The following ANKFY1 variants were observed in gnomAD, a reference collection of about 807,000 sequenced individuals.
ANKFY1 encodes ankyrin repeat and FYVE domain containing 1, also known as ankyrin repeat and FYVE domain-containing protein 1.
Under a neutral mutation model 128.3 loss-of-function variants are expected in ANKFY1, and 47 were observed. The observed-to-expected ratio is 0.37, with a 90% CI of 0.29 to 0.47. The LOEUF is 0.47. Among genes scored for constraint, ANKFY1 ranks in the 20% least tolerant of loss-of-function variants. The pLI, the probability that ANKFY1 is intolerant of heterozygous loss-of-function variation, is 1.00. For missense variants in ANKFY1, 1,222 were observed against 1,510.6 expected, an observed-to-expected ratio of 0.81 and a Z score of 3.17; for synonymous variants, 553 against 601.6, an observed-to-expected ratio of 0.92 and a Z score of 1.18.
In ANKFY1 at chr17:4,177,305, A is replaced by G; in HGVS notation, c.2599-3T>C. Reference sequence around the variant, plus strand: ...AAATTCCGGCCCTTGTTATCCACCTACAGCAACAAGTGCAAAGCAAAATAT... The same window carrying G: ...AAATTCCGGCCCTTGTTATCCACCTGCAGCAACAAGTGCAAAGCAAAATAT... On this transcript the variant is annotated splice_polypyrimidine_tract_variant and splice_region_variant and intron_variant, in intron 18 of 24. Transcript: ENST00000341657. 4 of 1,584,232 alleles carry G rather than the reference A, an allele frequency of 2.5e-6. No individual in the cohort carries two copies. The highest frequency in any genetic ancestry group is 1.2e-5 in the South Asian group (1 of 85,714).
At chr17:4,199,907 A>C (rs2059896646) in intron 7 of ANKFY1, among the ~76,000 whole-genome samples, 1 of 152,236 alleles carries the variant, frequency 6.6e-6, no homozygotes. Context: ...ATGTTTCTTA[A>C]GAAAACAAGG....
intron 1 of ANKFY1, among the ~76,000 whole-genome samples, chr17:4,254,034 G>A (rs1388994989): frequency 2.0e-5 from 3 of 152,122 alleles, no homozygotes; most frequent in Non-Finnish European, 4.4e-5. Flanking sequence ...GGCTGGCCGC[G>A]GTGGCTCACG....
At chr17:4,260,324 A>T (rs568239502) in intron 1 of ANKFY1, among the ~76,000 whole-genome samples, 2 of 152,250 alleles carry the variant, frequency 1.3e-5, no homozygotes, top group African/African-American at 4.8e-5. Flanking sequence ...TCACTTACAA[A>T]CGAAGCTTAG....
Position 4,182,322 on chromosome 17 carries a change from C to T in ANKFY1, c.1980G>A (p.Gln660=). 1.3e-6 allele frequency: 2 copies of T among 1,588,604 alleles called. No individual in the cohort carries two copies. The highest frequency in any genetic ancestry group is 1.7e-6 in the Non-Finnish European group (2 of 1,166,070). ...GTGGAAGCTGGTTTCTGATGGCCAGCTGGAGGGCTGTCTCCCCGTCCTGAG... is the reference window on the plus strand; with the variant it reads ...GTGGAAGCTGGTTTCTGATGGCCAGTTGGAGGGCTGTCTCCCCGTCCTGAG... ...VRTQDGETAL[Q]LAIRNQLPLV... is the part of the protein sequence containing the mutation. The change falls in exon 15 of 25, where the codon CAG becomes CAA. Residue 660 remains glutamine (Q), a synonymous_variant. Coordinates refer to ENST00000341657, the MANE Select transcript of ANKFY1 (RefSeq NM_001330063.2).
At chr17:4,211,178 C>T (rs1375232964) in intron 4 of ANKFY1, among the ~76,000 whole-genome samples, 4 of 152,018 alleles carry the variant, frequency 2.6e-5, no homozygotes, top group Non-Finnish European at 5.9e-5. Context: ...CCAAGGCGGG[C>T]AGATTGCCTG....
At chr17:4,250,869 A>G (rs1488031168) in intron 1 of ANKFY1, among the ~76,000 whole-genome samples, 1 of 152,126 alleles carries the variant, frequency 6.6e-6, no homozygotes, top group Non-Finnish European at 1.5e-5. Context: ...TCCTGGCCTC[A>G]AGGGATCCTC....
intron 10 of ANKFY1, chr17:4,194,331 A>G (rs2059777582): frequency 6.7e-6 from 1 of 148,628 alleles, no homozygotes; most frequent in African/African-American, 2.5e-5. Flanking sequence ...CTGGTCTCAA[A>G]CTCCTGACCT....
At chr17:4,182,084 A>G in intron 15 of ANKFY1, 97 bp downstream of exon 15, 2 of 1,218,736 alleles carry the variant, frequency 1.6e-6, no homozygotes, top group Non-Finnish European at 2.2e-6. Context: ...GTTACTTGAC[A>G]GATCTTGCTC....
At chr17:4,225,283 G>T (rs950321516) in intron 3 of ANKFY1, among the ~76,000 whole-genome samples, 1 of 152,076 alleles carries the variant, frequency 6.6e-6, no homozygotes. Context: ...CTTGAAGCCG[G>T]GAGGCAGAGG....
intron 12 of ANKFY1, 115 bp from the exon 13 acceptor site, chr17:4,184,025 T>C: frequency 2.5e-6 from 2 of 806,632 alleles, no homozygotes; most frequent in East Asian, 2.5e-5. Context: ...ATCAATGCTA[T>C]AAAAAGAGAG....
At chr17:4,263,211 C>A (rs952983195) in intron 1 of ANKFY1, among the ~76,000 whole-genome samples, 1 of 152,160 alleles carries the variant, frequency 6.6e-6, no homozygotes, top group African/African-American at 2.4e-5. Flanking sequence ...CTCTGAGAGA[C>A]CAGAGTGCCT....
intron 7 of ANKFY1, among the ~76,000 whole-genome samples, chr17:4,203,131 A>G (rs1460811151): frequency 6.6e-6 from 1 of 152,164 alleles, no homozygotes; most frequent in Non-Finnish European, 1.5e-5. Flanking sequence ...GAACAAAGGG[A>G]GGGAACAGAA....
rs1448674266 is a variant in ANKFY1, at chr17:4,195,262, C to G, written c.1173-85G>C. On this transcript the variant is annotated intron_variant, in intron 9 of 24. Coordinates refer to ENST00000341657, the MANE Select transcript of ANKFY1 (RefSeq NM_001330063.2). ...CAACAACCTGGTTCTTTCTCTTTACCCTTTTTCAATGACACATTTTTTTTT... is the reference window on the plus strand; with the variant it reads ...CAACAACCTGGTTCTTTCTCTTTACGCTTTTTCAATGACACATTTTTTTTT... 5.6e-6 allele frequency: 8 copies of G among 1,436,028 alleles called. No individual in the cohort carries two copies. The East Asian group carries it at 1.7e-4, about 30-fold the overall frequency. The allele number at this position is 1,436,028 out of a possible 1,614,324, so 89.0% of individuals were successfully genotyped here. A position where few individuals can be genotyped will look rare whatever the true frequency, so the allele number is the denominator to read the frequency against.
At position 4,179,872 on chromosome 17, in the gene ANKFY1, C is replaced by G; in HGVS notation, c.2246G>C (p.Cys749Ser). Residue 749 changes from cysteine (C) to serine (S), a missense_variant, in exon 17 of 25, where the codon TGT (cysteine) becomes TCT (serine). By Grantham distance (112) the Cys-to-Ser change is moderately radical. Transcript: ENST00000341657. The part of the protein sequence containing the change: ...PTACFLIRSG[C>S]DVNSPRQPGA... ...TGGTTGTCTGGGACTGTTCACGTCA[C>G]AGCCACTGAAAGGAATGGGGACATT... 6.2e-7 allele frequency: 1 copy of G among 1,614,166 alleles called. No homozygotes were observed.
chr17:4,234,217 C>T (rs1383638784), intron 3 of ANKFY1, among the ~76,000 whole-genome samples: 1 of 152,150 alleles, frequency 6.6e-6, no homozygotes, highest in Non-Finnish European at 1.5e-5. Context: ...CTCTATGATG[C>T]TCCCACAACA....
At chr17:4,253,343 G>C (rs1005034096) in intron 1 of ANKFY1, among the ~76,000 whole-genome samples, 1 of 152,200 alleles carries the variant, frequency 6.6e-6, no homozygotes, top group Non-Finnish European at 1.5e-5. Flanking sequence ...AACTTTTTAC[G>C]GTGATAGAAA....
chr17:4,217,218 G>A, intron 3 of ANKFY1, 100 bp from the exon 4 acceptor site: 1 of 1,340,570 alleles, frequency 7.5e-7, no homozygotes, highest in Admixed American at 2.0e-5. Flanking sequence ...GTAAATGACA[G>A]TATACCCAAC....
chr17:4,189,559 C>G (rs916305933), intron 10 of ANKFY1, 80 bp from the exon 11 acceptor site: 1 of 1,277,194 alleles, frequency 7.8e-7, no homozygotes, highest in African/African-American at 1.5e-5. Flanking sequence ...CTCTTCCCTG[C>G]CACCCTATGA....
At chr17:4,245,941 G>C (rs1967518872) in intron 1 of ANKFY1, among the ~76,000 whole-genome samples, 1 of 152,084 alleles carries the variant, frequency 6.6e-6, no homozygotes, top group Non-Finnish European at 1.5e-5. Flanking sequence ...CCACTCAGGA[G>C]GCTGAGGCAG....
Sources: allele counts gnomAD v4.1 joint callset (sites outside exome capture counted in the v4.1 genomes callset), GRCh38; gene constraint gnomAD v4.1.1; transcripts MANE v1.5; gene names NCBI Gene and HGNC (gene_info 2026-07-23, HGNC 2026-07-21).